The following ASIC2 variants were observed in gnomAD, a reference collection of about 807,000 sequenced individuals.
ASIC2 encodes the protein acid-sensing ion channel 2.
A neutral mutation model predicts 57.3 loss-of-function variants in ASIC2; 25 were observed. That is an observed-to-expected ratio of 0.44 (90% CI 0.32 to 0.61). ASIC2 has a LOEUF of 0.61. Ranked by LOEUF, ASIC2 falls within the 20% of genes least tolerant of loss-of-function variation. ASIC2 has a pLI of 0.06. For missense variants in ASIC2, 641 were observed against 738.1 expected (o/e 0.87, Z 1.52); for synonymous variants, 319 against 307.5 (o/e 1.04, Z -0.39).
chr17:33,378,391 C>T (rs986942905), intron 1 of ASIC2, among the ~76,000 whole-genome samples: 8 of 152,186 alleles, frequency 5.3e-5, no homozygotes, highest in African/African-American at 9.6e-5. Flanking sequence ...GAGGCTTCCT[C>T]AGCTGGTTCA....
At chr17:33,509,961 A>C (rs1022470884) in intron 1 of ASIC2, among the ~76,000 whole-genome samples, 1 of 152,228 alleles carries the variant, frequency 6.6e-6, no homozygotes, top group African/African-American at 2.4e-5. Flanking sequence ...ATTCAGCTTA[A>C]GAGTAGATAG....
chr17:33,208,203 C>G (rs1440386155), intron 1 of ASIC2, among the ~76,000 whole-genome samples: 3 of 152,306 alleles, frequency 2.0e-5, no homozygotes, highest in East Asian at 1.9e-4. Flanking sequence ...GAAGGTGCAT[C>G]TTACCTGCTG....
At chr17:34,099,491 AAAG>A (rs1201847096) in intron 1 of ASIC2, among the ~76,000 whole-genome samples, 2 of 147,798 alleles carry the variant, frequency 1.4e-5, no homozygotes, top group Admixed American at 6.7e-5. Flanking sequence ...GAAGGAGGGA[AAAG>A]AAGGAAAGAG....
At chr17:34,023,828 T>C (rs1300491776) in intron 1 of ASIC2, among the ~76,000 whole-genome samples, 1 of 152,166 alleles carries the variant, frequency 6.6e-6, no homozygotes, top group African/African-American at 2.4e-5. Flanking sequence ...GCACAAAGGG[T>C]CTAAGACAGA....
At position 33,271,656 on chromosome 17, in the gene ASIC2, A is replaced by G. The variant is rs1904497511; in HGVS notation, c.708+19752T>C. Among the ~76,000 whole-genome samples, 4 of 152,148 alleles carry G rather than the reference A, an allele frequency of 2.6e-5. No individual in the cohort carries two copies. The South Asian group carries it at 8.3e-4, about 32-fold the overall frequency. ...CTACCTTCAATATATGCCAAATTGG[A>G]CCATGCTTACCACCTCCATCACCAA... On this transcript the variant is annotated intron_variant, in intron 1 of 9. Transcript: ENST00000225823.
intron 1 of ASIC2, among the ~76,000 whole-genome samples, chr17:33,170,617 A>G (rs1905476695): frequency 6.6e-6 from 1 of 152,172 alleles, no homozygotes; most frequent in African/African-American, 2.4e-5. Context: ...TCTCACGTAA[A>G]TACCAAGAAG....
chr17:33,448,271 C>T (rs549153762), intron 1 of ASIC2, among the ~76,000 whole-genome samples: 1 of 152,250 alleles, frequency 6.6e-6, no homozygotes, highest in Non-Finnish European at 1.5e-5. Context: ...GCTCATCTGG[C>T]CACTGCTACC....
At chr17:33,340,054 T>C (rs570681340) in intron 1 of ASIC2, among the ~76,000 whole-genome samples, 1 of 152,322 alleles carries the variant, frequency 6.6e-6, no homozygotes, top group African/African-American at 2.4e-5. Context: ...AAGTGGGCTT[T>C]CTAGAAAGGT....
chr17:33,445,791 C>G (rs1911992780), intron 1 of ASIC2, among the ~76,000 whole-genome samples: 1 of 87,422 alleles, frequency 1.1e-5, no homozygotes, highest in South Asian at 4.8e-4. Flanking sequence ...GAGCGAAACT[C>G]CATCTCAAAA....
chr17:33,746,088 A>G (rs1008466997), intron 1 of ASIC2, among the ~76,000 whole-genome samples: 5 of 152,008 alleles, frequency 3.3e-5, no homozygotes, highest in Non-Finnish European at 5.9e-5. Flanking sequence ...ACAGATGGTA[A>G]TTTGAATTCA....
chr17:33,745,197 C>T (rs1910223145), intron 1 of ASIC2, among the ~76,000 whole-genome samples: 1 of 152,158 alleles, frequency 6.6e-6, no homozygotes, highest in Admixed American at 6.5e-5. Context: ...GATGAAAGGG[C>T]CAGCAGGCTG....
intron 1 of ASIC2, among the ~76,000 whole-genome samples, chr17:34,074,295 T>C (rs1025141194): frequency 6.6e-6 from 1 of 152,170 alleles, no homozygotes; most frequent in Non-Finnish European, 1.5e-5. Context: ...ACTGAACTAA[T>C]GAACATTGCA....
chr17:33,597,923 T>C (rs1905027954), intron 1 of ASIC2, among the ~76,000 whole-genome samples: 1 of 152,270 alleles, frequency 6.6e-6, no homozygotes, highest in Admixed American at 6.5e-5. Flanking sequence ...CAAAATTCAA[T>C]ACGTGCAGAA....
At chr17:33,604,292 T>G (rs537100194) in intron 1 of ASIC2, among the ~76,000 whole-genome samples, 2 of 152,328 alleles carry the variant, frequency 1.3e-5, no homozygotes, top group Admixed American at 6.5e-5. Flanking sequence ...CTATAGGAAC[T>G]TCCTGGATTC....
At chr17:33,616,683 CAG>C (rs1484683783) in intron 1 of ASIC2, among the ~76,000 whole-genome samples, 1 of 152,214 alleles carries the variant, frequency 6.6e-6, no homozygotes, top group Non-Finnish European at 1.5e-5. Context: ...CTCCGAAACT[CAG>C]GGGCTAGAAG....
At chr17:33,152,528 G>T (rs897424010) in intron 1 of ASIC2, among the ~76,000 whole-genome samples, 35 of 152,200 alleles carry the variant, frequency 2.3e-4, no homozygotes, top group Non-Finnish European at 4.4e-4. Flanking sequence ...CAGAGATGTA[G>T]GAGTGAGCAA....
intron 1 of ASIC2, among the ~76,000 whole-genome samples, chr17:33,321,837 A>G (rs188776058): frequency 1.3e-4 from 20 of 152,296 alleles, no homozygotes. Flanking sequence ...GCTTAACTAG[A>G]GCATTGAAAA....
chr17:33,360,530 A>G (rs1397837931), intron 1 of ASIC2, among the ~76,000 whole-genome samples: 2 of 152,234 alleles, frequency 1.3e-5, no homozygotes, highest in African/African-American at 4.8e-5. Context: ...CCTCTGGATA[A>G]AAGATCCTAA....
At chr17:33,968,954 G>A (rs1002039800) in intron 1 of ASIC2, among the ~76,000 whole-genome samples, 20 of 152,318 alleles carry the variant, frequency 1.3e-4, no homozygotes, top group Middle Eastern at 3.4e-3. Flanking sequence ...AGTTACAGAA[G>A]AGCCTCCATT....
Sources: gnomAD v4.1 joint callset for allele counts (sites outside exome capture counted in the v4.1 genomes callset) on GRCh38, gnomAD v4.1.1 for gene constraint, MANE v1.5 for transcripts, NCBI Gene and HGNC (gene_info 2026-07-23, HGNC 2026-07-21) for gene names.